The following RSRC1 variants were observed in gnomAD, a reference collection of about 807,000 sequenced individuals.
RSRC1 encodes the protein arginine and serine rich coiled-coil 1, also known as serine/Arginine-related protein 53.
In RSRC1, 39 loss-of-function variants were observed where a neutral mutation model predicts 49.1. The observed-to-expected ratio is 0.79, with a 90% CI of 0.61 to 1.04. The LOEUF is 1.04. RSRC1 is among the 50% of genes least tolerant of loss of function. The probability of loss-of-function intolerance (pLI) is 0.00; values close to 1 mark genes in which losing one functional copy is unlikely to be tolerated. For missense variants in RSRC1, 388 were observed against 402.4 expected, an observed-to-expected ratio of 0.96 and a Z score of 0.31; for synonymous variants, 143 against 130.8, an observed-to-expected ratio of 1.09 and a Z score of -0.63.
intron 7 of RSRC1, among the ~76,000 whole-genome samples, chr3:158,526,472 A>T (rs2108495161): frequency 6.6e-6 from 1 of 152,088 alleles, no homozygotes; most frequent in East Asian, 1.9e-4. Context: ...CAAACACAAC[A>T]AATCCCTGTT....
At chr3:158,542,627 CCATAGA>C (rs1365291676) in intron 8 of RSRC1, among the ~76,000 whole-genome samples, 1 of 152,040 alleles carries the variant, frequency 6.6e-6, no homozygotes, top group African/African-American at 2.4e-5. Context: ...ATAGGCAAAT[CCATAGA>C]GAAAGAAGAT....
At chr3:158,430,757 A>G (rs1176469058) in intron 6 of RSRC1, among the ~76,000 whole-genome samples, 1 of 151,938 alleles carries the variant, frequency 6.6e-6, no homozygotes, top group Admixed American at 6.6e-5. Context: ...CACTATTATA[A>G]CTGTATTACC....
At chr3:158,229,796 G>A (rs1448352334) in intron 4 of RSRC1, among the ~76,000 whole-genome samples, 1 of 151,818 alleles carries the variant, frequency 6.6e-6, no homozygotes, top group Non-Finnish European at 1.5e-5. Context: ...CTACACACAT[G>A]TATATTTGTC....
intron 4 of RSRC1, among the ~76,000 whole-genome samples, chr3:158,275,248 T>C (rs565407823): frequency 6.6e-6 from 1 of 152,360 alleles, no homozygotes; most frequent in East Asian, 1.9e-4. Context: ...TCACCTTTTA[T>C]GTGAACTTAA....
intron 4 of RSRC1, among the ~76,000 whole-genome samples, chr3:158,289,170 C>G (rs921180597): frequency 2.0e-5 from 3 of 152,102 alleles, no homozygotes; most frequent in African/African-American, 7.2e-5. Flanking sequence ...TACATCAGAT[C>G]TACTGATGAC....
intron 6 of RSRC1, among the ~76,000 whole-genome samples, chr3:158,452,727 C>T (rs530632877): frequency 1.3e-5 from 2 of 152,110 alleles, no homozygotes; most frequent in African/African-American, 2.4e-5. Context: ...TTGCTTGGCC[C>T]CCAGATTTAT....
chr3:158,475,987 T>G (rs960259066), intron 7 of RSRC1, among the ~76,000 whole-genome samples: 1 of 152,106 alleles, frequency 6.6e-6, no homozygotes, highest in African/African-American at 2.4e-5. Context: ...AAGTTCTTGA[T>G]TGAAAGTAAA....
chr3:158,158,358 A>G (rs1718005817), intron 3 of RSRC1, among the ~76,000 whole-genome samples: 1 of 152,126 alleles, frequency 6.6e-6, no homozygotes, highest in African/African-American at 2.4e-5. Context: ...GTATGTGCGG[A>G]TTTGGTCATG....
chr3:158,378,026 A>T (rs144443034), intron 6 of RSRC1, among the ~76,000 whole-genome samples: 81 of 150,784 alleles, frequency 5.4e-4, no homozygotes, highest in Non-Finnish European at 1.0e-3. Flanking sequence ...TTCCCTCCCA[A>T]TTTTTTTCTC....
intron 5 of RSRC1, among the ~76,000 whole-genome samples, chr3:158,344,800 A>G (rs1017882143): frequency 3.3e-5 from 5 of 152,246 alleles, no homozygotes; most frequent in Admixed American, 2.6e-4. Context: ...AATGACATTA[A>G]TACTAAGGAA....
At chr3:158,219,924 T>C (rs1199718137) in intron 4 of RSRC1, among the ~76,000 whole-genome samples, 1 of 151,590 alleles carries the variant, frequency 6.6e-6, no homozygotes, top group African/African-American at 2.4e-5. Context: ...TCAATGGGGT[T>C]TCCTCATGAA....
At chr3:158,516,850 C>G (rs1008868704) in intron 7 of RSRC1, among the ~76,000 whole-genome samples, 2 of 152,188 alleles carry the variant, frequency 1.3e-5, no homozygotes, top group Admixed American at 6.5e-5. Flanking sequence ...GTGGGAGTGA[C>G]CCGATTTTCC....
chr3:158,518,148 A>ATTTTTTTTTTTTTTT lies in RSRC1; in HGVS notation c.653-18938_653-18924dup, dbSNP rs72132266. Among the ~76,000 whole-genome samples, 190 of 44,120 alleles carry ATTTTTTTTTTTTTTT rather than the reference A, an allele frequency of 4.3e-3. 12 individuals are homozygous for ATTTTTTTTTTTTTTT. Among genetic ancestry groups the ATTTTTTTTTTTTTTT allele is most frequent in the Middle Eastern group, 0.021 (1 of 48 alleles). 28.9% of individuals were successfully genotyped at this position (44,120 alleles called of 152,430 possible). On this transcript the variant is annotated intron_variant, in intron 7 of 9. Transcript: ENST00000611884. ...TGTGTATATATATATATATATATAT[A>ATTTTTTTTTTTTTTT]TTTTTTTTTTTTTTTTTTTTACTCC...
chr3:158,454,103 C>G (rs1737192973), intron 6 of RSRC1, among the ~76,000 whole-genome samples: 1 of 151,996 alleles, frequency 6.6e-6, no homozygotes, highest in Non-Finnish European at 1.5e-5. Flanking sequence ...TCTTTGCAAC[C>G]TGAGAAACTG....
At chr3:158,222,573 C>T (rs1334224889) in intron 4 of RSRC1, among the ~76,000 whole-genome samples, 1 of 151,252 alleles carries the variant, frequency 6.6e-6, no homozygotes, top group Non-Finnish European at 1.5e-5. Flanking sequence ...AGCTTTATGC[C>T]CCAATCAAAT....
intron 4 of RSRC1, among the ~76,000 whole-genome samples, chr3:158,226,759 C>T (rs1443331720): frequency 1.3e-5 from 2 of 151,870 alleles, no homozygotes; most frequent in East Asian, 3.9e-4. Flanking sequence ...TTTACCTTCC[C>T]TCCCTTTTCT....
chr3:158,489,474 T>C (rs1738976316), intron 7 of RSRC1, among the ~76,000 whole-genome samples: 1 of 152,296 alleles, frequency 6.6e-6, no homozygotes, highest in Admixed American at 6.5e-5. Context: ...TTAATCTTTT[T>C]ATTGACATTT....
chr3:158,453,763 C>T (rs1737176114), intron 6 of RSRC1, among the ~76,000 whole-genome samples: 2 of 152,040 alleles, frequency 1.3e-5, no homozygotes, highest in Non-Finnish European at 2.9e-5. Flanking sequence ...TCTAGATTTT[C>T]TAATGTATGG....
intron 8 of RSRC1, among the ~76,000 whole-genome samples, 150 bp from the exon 9 acceptor site, chr3:158,543,181 AAAAC>A (rs2108510485): frequency 6.6e-6 from 1 of 152,320 alleles, no homozygotes; most frequent in Non-Finnish European, 1.5e-5. Context: ...CTGTATTTCT[AAAAC>A]AAACAAATAC....
Sources: allele counts gnomAD v4.1 joint callset (sites outside exome capture counted in the v4.1 genomes callset), GRCh38; gene constraint gnomAD v4.1.1; transcripts MANE v1.5; gene names NCBI Gene and HGNC (gene_info 2026-07-23, HGNC 2026-07-21).